Variants in ADGRL3 observed in about 807,000 individuals in gnomAD.
The protein encoded by ADGRL3 is calcium-independent alpha-latrotoxin receptor 3.
ADGRL3 carries 62 observed loss-of-function variants against 153.5 expected under a neutral mutation model. The observed-to-expected ratio is 0.40, with a 90% CI of 0.33 to 0.50. The LOEUF is 0.50. Among genes scored for constraint, ADGRL3 ranks in the 20% least tolerant of loss-of-function variants. ADGRL3 has a pLI of 0.47. For missense variants in ADGRL3, 1,641 were observed against 1,859.4 expected, an observed-to-expected ratio of 0.88 and a Z score of 2.16; for synonymous variants, 710 against 672.5, an observed-to-expected ratio of 1.06 and a Z score of -0.86.
intron 17 of ADGRL3, among the ~76,000 whole-genome samples, chr4:61,973,457 T>C (rs1466492775): frequency 6.6e-6 from 1 of 151,992 alleles, no homozygotes; most frequent in Non-Finnish European, 1.5e-5. Flanking sequence ...TTCATGTAAG[T>C]TTTACAAATA....
At chr4:61,664,997 C>A (rs1021032055) in intron 5 of ADGRL3, among the ~76,000 whole-genome samples, 1 of 152,270 alleles carries the variant, frequency 6.6e-6, no homozygotes, top group East Asian at 1.9e-4. Flanking sequence ...ACATCATTCC[C>A]CTTATGTGAT....
At chr4:61,237,131 T>C (rs540252441) in intron 1 of ADGRL3, among the ~76,000 whole-genome samples, 1 of 152,190 alleles carries the variant, frequency 6.6e-6, no homozygotes, top group Non-Finnish European at 1.5e-5. Flanking sequence ...TATAGTGTTT[T>C]CTTTTAATGC....
chr4:61,931,723 A>G (rs1232177190), intron 13 of ADGRL3, among the ~76,000 whole-genome samples: 1 of 152,178 alleles, frequency 6.6e-6, no homozygotes, highest in East Asian at 1.9e-4. Flanking sequence ...TTTGGGGGCC[A>G]CATTTTGAGT....
intron 17 of ADGRL3, among the ~76,000 whole-genome samples, chr4:61,950,021 CT>C (rs1184985239): frequency 6.6e-6 from 1 of 152,160 alleles, no homozygotes; most frequent in Non-Finnish European, 1.5e-5. Context: ...ATCGAACATT[CT>C]TTCATACAAT....
intron 1 of ADGRL3, among the ~76,000 whole-genome samples, chr4:61,258,705 C>T (rs895668500): frequency 6.6e-6 from 1 of 152,078 alleles, no homozygotes; most frequent in Non-Finnish European, 1.5e-5. Context: ...CCAGTGGGAG[C>T]GTACACCCAG....
At chr4:61,452,130 A>G (rs983865711) in intron 2 of ADGRL3, among the ~76,000 whole-genome samples, 7 of 152,120 alleles carry the variant, frequency 4.6e-5, no homozygotes, top group East Asian at 1.9e-4. Context: ...ATGTCCCTCA[A>G]TCAAGGATGT....
At chr4:61,644,936 C>G (rs1185987183) in intron 5 of ADGRL3, among the ~76,000 whole-genome samples, 6 of 151,880 alleles carry the variant, frequency 4.0e-5, no homozygotes, top group Non-Finnish European at 8.8e-5. Context: ...CTTTGTAGGT[C>G]ACTCAGGACT....
At chr4:61,217,864 G>T (rs72633415) in intron 1 of ADGRL3, among the ~76,000 whole-genome samples, 1,749 of 152,270 alleles carry the variant, frequency 0.011, 15 homozygotes, top group Non-Finnish European at 0.016. Flanking sequence ...AAATAGAGGA[G>T]CCAGCTTTAG....
intron 11 of ADGRL3, among the ~76,000 whole-genome samples, chr4:61,900,682 A>C (rs1237636358): frequency 6.6e-6 from 1 of 152,128 alleles, no homozygotes; most frequent in Non-Finnish European, 1.5e-5. Context: ...GGTGGATGGA[A>C]GTCTTGATGG....
chr4:61,959,249 C>T (rs895307078), intron 17 of ADGRL3, among the ~76,000 whole-genome samples: 2 of 152,142 alleles, frequency 1.3e-5, no homozygotes, highest in Non-Finnish European at 2.9e-5. Flanking sequence ...AACATTTCTA[C>T]TGTGGTTTTG....
At chr4:61,229,681 G>A (rs1448557619) in intron 1 of ADGRL3, among the ~76,000 whole-genome samples, 1 of 152,022 alleles carries the variant, frequency 6.6e-6, no homozygotes, top group Non-Finnish European at 1.5e-5. Context: ...AATTTGGGAA[G>A]CCACCAAAGC....
intron 2 of ADGRL3, among the ~76,000 whole-genome samples, chr4:61,410,215 T>C (rs2097067719): frequency 1.3e-5 from 2 of 152,228 alleles, no homozygotes; most frequent in East Asian, 3.9e-4. Flanking sequence ...ATGAGTAGCA[T>C]TTGGAGATGA....
intron 8 of ADGRL3, among the ~76,000 whole-genome samples, chr4:61,782,901 A>T (rs2097230750): frequency 6.6e-6 from 1 of 152,144 alleles, no homozygotes; most frequent in South Asian, 2.1e-4. Context: ...AAGCACTGGG[A>T]AATCCATAAT....
At chr4:61,764,667 G>A (rs1422326888) in intron 8 of ADGRL3, among the ~76,000 whole-genome samples, 2 of 152,150 alleles carry the variant, frequency 1.3e-5, no homozygotes. Flanking sequence ...CACAGGGGAT[G>A]TGATGGCTTG....
At chr4:61,439,095 G>C (rs998437319) in intron 2 of ADGRL3, among the ~76,000 whole-genome samples, 2 of 152,212 alleles carry the variant, frequency 1.3e-5, no homozygotes, top group East Asian at 1.9e-4. Flanking sequence ...TAATATTATA[G>C]AGCAAAACCA....
chr4:61,559,411 T>C (rs563233520), intron 4 of ADGRL3, among the ~76,000 whole-genome samples: 15 of 152,250 alleles, frequency 9.9e-5, no homozygotes, highest in Admixed American at 9.2e-4. Context: ...GCTGCTTTTG[T>C]TTATGGCCTG....
At chr4:61,702,624 A>T (rs1168851161) in intron 6 of ADGRL3, among the ~76,000 whole-genome samples, 1 of 152,128 alleles carries the variant, frequency 6.6e-6, no homozygotes. Flanking sequence ...GCAAGGGAAT[A>T]ATTAATATTA....
chr4:61,204,149 C>G, intron 1 of ADGRL3, among the ~76,000 whole-genome samples: 1 of 152,016 alleles, frequency 6.6e-6, no homozygotes, highest in East Asian at 1.9e-4. Flanking sequence ...TTTTTAGGTA[C>G]AATAATTTCT....
chr4:61,588,877 G>T (rs982079233), intron 5 of ADGRL3, among the ~76,000 whole-genome samples: 9 of 151,996 alleles, frequency 5.9e-5, no homozygotes, highest in African/African-American at 1.9e-4. Context: ...CCAAACATAA[G>T]ATTCTGTAGA....
Sources: allele counts gnomAD v4.1 joint callset (sites outside exome capture counted in the v4.1 genomes callset), GRCh38; gene constraint gnomAD v4.1.1; transcripts MANE v1.5; gene names NCBI Gene and HGNC (gene_info 2026-07-23, HGNC 2026-07-21).